TCF12: variants seen among roughly 807,000 people sequenced by gnomAD.
TCF12 encodes DNA-binding protein HTF4.
Under a neutral mutation model 86.0 loss-of-function variants are expected in TCF12, and 45 were observed. The observed-to-expected ratio is 0.52, with a 90% confidence interval of 0.41 to 0.67. The LOEUF is 0.67. Among genes scored for constraint, TCF12 ranks in the 30% least tolerant of loss-of-function variants. TCF12 has a pLI of 0.00. For missense variants in TCF12, 881 were observed against 859.9 expected (o/e 1.02, Z -0.31); for synonymous variants, 330 against 299.6 (o/e 1.10, Z -1.05).
intron 5 of TCF12, among the ~76,000 whole-genome samples, chr15:57,152,382 A>G (rs1365945433): frequency 6.6e-6 from 1 of 152,236 alleles, no homozygotes; most frequent in Non-Finnish European, 1.5e-5. Context: ...TAACAAAACA[A>G]GGCTCAGAGG....
chr15:57,203,144 A>G lies in TCF12; in HGVS notation c.579+5319A>G, dbSNP rs575878791. 1.2e-4 allele frequency among the ~76,000 whole-genome samples: 18 copies of G among 152,358 alleles called. No homozygotes were observed. In the East Asian group the frequency reaches 3.3e-3, roughly 28 times the overall value. On this transcript the variant is annotated intron_variant, in intron 8 of 20. Coordinates refer to ENST00000333725, the MANE Select transcript of TCF12 (RefSeq NM_207037.2). ...CAGTTCCTTTTGTTGTTTAGAAAGC[A>G]TTCACTTGCAGAAAAACAATCTACA... is the stretch of plus-strand genomic sequence containing the variant.
intron 5 of TCF12, among the ~76,000 whole-genome samples, chr15:57,136,188 G>A (rs2052506538): frequency 6.6e-6 from 1 of 152,146 alleles, no homozygotes. Flanking sequence ...GATAAAGACA[G>A]CTATCCCTTG....
At chr15:57,077,473 A>G (rs1442967973) in intron 4 of TCF12, among the ~76,000 whole-genome samples, 1 of 150,234 alleles carries the variant, frequency 6.7e-6, no homozygotes, top group Non-Finnish European at 1.5e-5. Context: ...TTTTTAGTGA[A>G]CAAGTCTTGC....
At chr15:57,237,433 A>G (rs2059427376) in intron 12 of TCF12, among the ~76,000 whole-genome samples, 3 of 152,094 alleles carry the variant, frequency 2.0e-5, no homozygotes, top group African/African-American at 7.2e-5. Flanking sequence ...CCTCTGGCTT[A>G]TTGGCACCCT....
intron 3 of TCF12, among the ~76,000 whole-genome samples, chr15:57,037,563 T>G (rs1190949866): frequency 6.6e-6 from 1 of 152,190 alleles, no homozygotes; most frequent in Admixed American, 6.5e-5. Context: ...CCATTCTGGG[T>G]TGTCCTCTTG....
intron 3 of TCF12, among the ~76,000 whole-genome samples, chr15:57,025,011 T>C (rs2065735087): frequency 6.6e-6 from 1 of 152,206 alleles, no homozygotes; most frequent in Non-Finnish European, 1.5e-5. Flanking sequence ...ATGTGTTGCA[T>C]AGCTATGATG....
chr15:57,132,554 G>C (rs1185612192), intron 5 of TCF12, among the ~76,000 whole-genome samples: 4 of 152,130 alleles, frequency 2.6e-5, no homozygotes, highest in Non-Finnish European at 5.9e-5. Context: ...GTTCCTAATG[G>C]AATCTAAGGA....
At chr15:57,188,633 A>G (rs2056812772) in intron 6 of TCF12, among the ~76,000 whole-genome samples, 1 of 152,184 alleles carries the variant, frequency 6.6e-6, no homozygotes, top group African/African-American at 2.4e-5. Flanking sequence ...CCAGAAGTAA[A>G]CCTAAACATC....
chr15:56,967,078 TGCCACTGCACTCCA>T (rs1367572426), intron 3 of TCF12, among the ~76,000 whole-genome samples: 4 of 152,126 alleles, frequency 2.6e-5, no homozygotes, highest in Non-Finnish European at 5.9e-5. Context: ...GTCGAGATCG[TGCCACTGCACTCCA>T]GCCTGGGCAA....
At chr15:56,933,583 T>C (rs1328232013) in intron 3 of TCF12, among the ~76,000 whole-genome samples, 1 of 152,210 alleles carries the variant, frequency 6.6e-6, no homozygotes, top group Non-Finnish European at 1.5e-5. Context: ...TTAACCTCTC[T>C]GAGTCTGTTT....
At chr15:57,079,124 T>C (rs2151049689) in intron 4 of TCF12, among the ~76,000 whole-genome samples, 1 of 152,326 alleles carries the variant, frequency 6.6e-6, no homozygotes, top group Non-Finnish European at 1.5e-5. Flanking sequence ...TGAAGTGTAA[T>C]TTTATTTTTT....
At chr15:57,048,401 A>G (rs1237505269) in intron 3 of TCF12, among the ~76,000 whole-genome samples, 1 of 152,118 alleles carries the variant, frequency 6.6e-6, no homozygotes, top group Non-Finnish European at 1.5e-5. Context: ...AGCTGGGACT[A>G]CAGGCACCCG....
intron 5 of TCF12, among the ~76,000 whole-genome samples, chr15:57,100,423 CTTTTTT>C (rs571976256): frequency 5.3e-5 from 7 of 130,848 alleles, no homozygotes; most frequent in African/African-American, 2.0e-4. Flanking sequence ...TTCACTTCCT[CTTTTTT>C]TTTTTTTTTT....
chr15:56,974,646 C>G (rs1329577259), intron 3 of TCF12, among the ~76,000 whole-genome samples: 1 of 151,908 alleles, frequency 6.6e-6, no homozygotes, highest in Non-Finnish European at 1.5e-5. Context: ...TTACAGCAAT[C>G]CTAGAGGTTA....
chr15:56,942,834 T>A (rs551464761), intron 3 of TCF12, among the ~76,000 whole-genome samples: 1 of 152,294 alleles, frequency 6.6e-6, no homozygotes, highest in East Asian at 1.9e-4. Context: ...GATATGAACG[T>A]ATTATTTGCA....
At chr15:57,248,172 C>G in intron 13 of TCF12, 1 of 694,626 alleles carries the variant, frequency 1.4e-6, no homozygotes, top group Non-Finnish European at 2.6e-6. Flanking sequence ...TTTCCCCTTA[C>G]GTCTTATTGG....
chr15:57,162,780 A>G (rs1296932870), intron 5 of TCF12, among the ~76,000 whole-genome samples: 3 of 152,232 alleles, frequency 2.0e-5, no homozygotes, highest in Non-Finnish European at 2.9e-5. Flanking sequence ...TACATTATTA[A>G]AAACAGAGCT....
At chr15:56,948,909 A>C (rs2061138101) in intron 3 of TCF12, among the ~76,000 whole-genome samples, 1 of 152,226 alleles carries the variant, frequency 6.6e-6, no homozygotes, top group Non-Finnish European at 1.5e-5. Flanking sequence ...CCTAGAAGAA[A>C]TAGACAAGGC....
chr15:57,128,026 A>G (rs931660900), intron 5 of TCF12, among the ~76,000 whole-genome samples: 3 of 152,292 alleles, frequency 2.0e-5, no homozygotes, highest in Admixed American at 6.5e-5. Context: ...ATGCAACTCC[A>G]TTGTTCCTGA....
Sources: gnomAD v4.1 joint callset for allele counts (sites outside exome capture counted in the v4.1 genomes callset) on GRCh38, gnomAD v4.1.1 for gene constraint, MANE v1.5 for transcripts, NCBI Gene and HGNC (gene_info 2026-07-23, HGNC 2026-07-21) for gene names.